Variants in COP1 observed in about 807,000 individuals in gnomAD.
COP1 encodes COP1 E3 ubiquitin ligase.
Under a neutral mutation model 101.3 loss-of-function variants are expected in COP1, and 24 were observed. The ratio of observed to expected loss-of-function variants is 0.24; its 90% CI spans 0.17 to 0.33. The LOEUF (loss-of-function observed/expected upper bound fraction) is 0.33. Ranked by LOEUF, COP1 falls within the 10% of genes least tolerant of loss-of-function variation. The pLI is 1.00. For synonymous variants in COP1, 347 were observed against 341.9 expected, an observed-to-expected ratio of 1.01 and a Z score of -0.17; for missense variants, 663 against 906.2, an observed-to-expected ratio of 0.73 and a Z score of 3.45.
chr1:176,100,771 C>T (rs1236769036), intron 9 of COP1, among the ~76,000 whole-genome samples: 1 of 152,154 alleles, frequency 6.6e-6, no homozygotes, highest in Non-Finnish European at 1.5e-5. Flanking sequence ...TGGGGTGTCA[C>T]AAGATATCCT....
intron 18 of COP1, among the ~76,000 whole-genome samples, chr1:175,970,771 A>T (rs1653086235): frequency 6.6e-6 from 1 of 152,224 alleles, no homozygotes; most frequent in Non-Finnish European, 1.5e-5. Flanking sequence ...TTCAGGTAAT[A>T]TATTTATCAA....
chr1:176,147,333 T>C (rs1432629875), intron 6 of COP1, among the ~76,000 whole-genome samples: 1 of 152,184 alleles, frequency 6.6e-6, no homozygotes, highest in Admixed American at 6.6e-5. Flanking sequence ...CCAATTCCAA[T>C]TATTGTGAAA....
chr1:175,986,917 G>A (rs761183124), intron 18 of COP1, 26 bp downstream of exon 18: 3 of 1,529,276 alleles, frequency 2.0e-6, no homozygotes, highest in South Asian at 1.3e-5. Flanking sequence ...AGATCCCAAG[G>A]TGAAAAAACT....
intron 11 of COP1, among the ~76,000 whole-genome samples, chr1:176,074,864 A>G (rs976008620): frequency 6.6e-6 from 1 of 152,100 alleles, no homozygotes; most frequent in Non-Finnish European, 1.5e-5. Context: ...TATCAGGTCA[A>G]TATTATAAAT....
intron 14 of COP1, among the ~76,000 whole-genome samples, chr1:176,035,330 G>A (rs1353387991): frequency 6.6e-6 from 1 of 150,824 alleles, no homozygotes; most frequent in Non-Finnish European, 1.5e-5. Flanking sequence ...TGAGCTAGAA[G>A]ACAGAACAAT....
intron 1 of COP1, 128 bp from the exon 2 acceptor site, chr1:176,184,820 C>A: frequency 1.7e-6 from 1 of 602,116 alleles, no homozygotes; most frequent in Admixed American, 3.1e-5. Context: ...TATAAACATT[C>A]TATCAATAAG....
intron 15 of COP1, chr1:176,017,707 T>A (rs1258541050): frequency 6.6e-6 from 1 of 152,206 alleles, no homozygotes; most frequent in Non-Finnish European, 1.5e-5. Flanking sequence ...ATATTTTTAG[T>A]AGAGATGAAG....
At chr1:176,151,342 GGAAAGAAAGAAAAA>G (rs1397730413) in intron 5 of COP1, among the ~76,000 whole-genome samples, 1 of 86,088 alleles carries the variant, frequency 1.2e-5, no homozygotes, top group Non-Finnish European at 2.4e-5. Flanking sequence ...AAAGAAGGAA[GGAAAGAAAGAAAAA>G]GAAAGAAAGA....
At chr1:176,004,641 T>C (rs1662633564) in intron 15 of COP1, among the ~76,000 whole-genome samples, 1 of 152,018 alleles carries the variant, frequency 6.6e-6, no homozygotes, top group Non-Finnish European at 1.5e-5. Context: ...TCTGTTTATA[T>C]GCTGGATTAC....
chr1:176,179,851 A>C (rs1422639073), intron 2 of COP1, among the ~76,000 whole-genome samples: 3 of 150,030 alleles, frequency 2.0e-5, no homozygotes, highest in South Asian at 4.2e-4. Flanking sequence ...TTACTACACT[A>C]TCTCTCAGAC....
At chr1:176,073,678 C>T (rs1268240599) in intron 11 of COP1, among the ~76,000 whole-genome samples, 2 of 152,126 alleles carry the variant, frequency 1.3e-5, no homozygotes, top group Non-Finnish European at 2.9e-5. Flanking sequence ...TCACCAATTC[C>T]GTACCTTGTC....
At chr1:175,989,160 C>T (rs1657816404) in intron 16 of COP1, 5 of 385,174 alleles carry the variant, frequency 1.3e-5, no homozygotes, top group Non-Finnish European at 2.3e-5. Context: ...ATTTTACCCA[C>T]AATTCACATA....
chr1:176,171,702 T>C (rs1467981008), intron 3 of COP1, among the ~76,000 whole-genome samples: 7 of 152,150 alleles, frequency 4.6e-5, no homozygotes, highest in African/African-American at 1.7e-4. Context: ...AAAATGCAAC[T>C]TCTATAAAGT....
chr1:176,164,198 C>G (rs903899843), intron 3 of COP1, among the ~76,000 whole-genome samples: 1 of 152,196 alleles, frequency 6.6e-6, no homozygotes, highest in African/African-American at 2.4e-5. Flanking sequence ...CCATGTGAGA[C>G]CATCACATGC....
intron 18 of COP1, among the ~76,000 whole-genome samples, chr1:175,952,782 G>A (rs1373879878): frequency 6.6e-6 from 1 of 150,818 alleles, no homozygotes; most frequent in Admixed American, 6.6e-5. Flanking sequence ...GCATGGTGAT[G>A]CATGCATGCC....
At chr1:176,169,041 G>C (rs1695629165) in intron 3 of COP1, among the ~76,000 whole-genome samples, 1 of 152,136 alleles carries the variant, frequency 6.6e-6, no homozygotes, top group Non-Finnish European at 1.5e-5. Context: ...CAATAAATCA[G>C]TAAGTGCTTC....
intron 5 of COP1, among the ~76,000 whole-genome samples, chr1:176,156,361 C>A (rs1693448773): frequency 6.6e-6 from 1 of 151,524 alleles, no homozygotes; most frequent in African/African-American, 2.4e-5. Context: ...CTAAAGGAGG[C>A]AAGAAAGGAG....
At chr1:176,180,402 A>G (rs1697582917) in intron 2 of COP1, among the ~76,000 whole-genome samples, 1 of 152,152 alleles carries the variant, frequency 6.6e-6, no homozygotes, top group African/African-American at 2.4e-5. Flanking sequence ...CTGCATACAA[A>G]GCTTTGGATA....
chr1:176,134,032 A>G, intron 8 of COP1: 1 of 353,582 alleles, frequency 2.8e-6, no homozygotes, highest in South Asian at 2.3e-5. Flanking sequence ...GATTCTCCAT[A>G]CTATAATTAA....
Sources: gnomAD v4.1 joint callset for allele counts (sites outside exome capture counted in the v4.1 genomes callset) on GRCh38, gnomAD v4.1.1 for gene constraint, MANE v1.5 for transcripts, NCBI Gene and HGNC (gene_info 2026-07-23, HGNC 2026-07-21) for gene names.